The following ABTB2 variants were observed in gnomAD, a reference collection of about 807,000 sequenced individuals.
ABTB2 encodes the protein ankyrin repeat and BTB domain containing 2, also known as ankyrin repeat and BTB/POZ domain-containing protein 2.
Under a neutral mutation model 104.1 loss-of-function variants are expected in ABTB2, and 56 were observed. The ratio of observed to expected loss-of-function variants is 0.54; its 90% CI spans 0.43 to 0.67. The LOEUF (loss-of-function observed/expected upper bound fraction) is 0.67. Ranked by LOEUF, ABTB2 falls within the 30% of genes least tolerant of loss-of-function variation. The pLI is 0.00. For synonymous variants in ABTB2, 606 were observed against 608.2 expected (o/e 1.00, Z 0.05); for missense variants, 1,279 against 1,407.7 (o/e 0.91, Z 1.46).
chr11:34,242,941 C>T (rs1853937487), intron 1 of ABTB2, among the ~76,000 whole-genome samples: 2 of 152,148 alleles, frequency 1.3e-5, no homozygotes, highest in Non-Finnish European at 2.9e-5. Flanking sequence ...TCACCTCAGG[C>T]CGGGCCTGAG....
At chr11:34,224,531 T>C (rs1174896826) in intron 1 of ABTB2, among the ~76,000 whole-genome samples, 1 of 152,126 alleles carries the variant, frequency 6.6e-6, no homozygotes, top group Non-Finnish European at 1.5e-5. Context: ...CTGGCTGCCA[T>C]GGTCTTCATA....
chr11:34,233,666 A>G (rs1333280407), intron 1 of ABTB2, among the ~76,000 whole-genome samples: 1 of 135,540 alleles, frequency 7.4e-6, no homozygotes, highest in Non-Finnish European at 1.6e-5. Context: ...TTTTTTTTTT[A>G]TTATAAAGGT....
At chr11:34,208,155 T>G (rs1338736318) in intron 1 of ABTB2, among the ~76,000 whole-genome samples, 1 of 152,236 alleles carries the variant, frequency 6.6e-6, no homozygotes, top group Non-Finnish European at 1.5e-5. Context: ...TTACATTCTC[T>G]TAACACCTCG....
At chr11:34,162,080 G>A (rs1852728693) in intron 10 of ABTB2, among the ~76,000 whole-genome samples, 1 of 152,222 alleles carries the variant, frequency 6.6e-6, no homozygotes, top group Non-Finnish European at 1.5e-5. Flanking sequence ...GGGAGTTGAG[G>A]CTTGGAGAGA....
chr11:34,353,775 G>A (rs1855428778), intron 1 of ABTB2, among the ~76,000 whole-genome samples: 1 of 152,230 alleles, frequency 6.6e-6, no homozygotes, highest in Non-Finnish European at 1.5e-5. Context: ...TGCCCATGCT[G>A]TATAATTAGC....
chr11:34,204,409 G>T, intron 2 of ABTB2, 135 bp downstream of exon 2: 1 of 1,092,124 alleles, frequency 9.2e-7, no homozygotes. Flanking sequence ...CTAGCTTTCA[G>T]GGAAGGCAAG....
intron 1 of ABTB2, among the ~76,000 whole-genome samples, chr11:34,229,141 A>C (rs1853728156): frequency 7.0e-6 from 1 of 142,744 alleles, no homozygotes; most frequent in South Asian, 2.3e-4. Context: ...AAAAAGAGAA[A>C]AAAGAAAAAG....
intron 1 of ABTB2, among the ~76,000 whole-genome samples, chr11:34,299,476 C>T (rs1854671644): frequency 6.6e-6 from 1 of 152,148 alleles, no homozygotes; most frequent in Non-Finnish European, 1.5e-5. Flanking sequence ...TAGTATACTC[C>T]TCCCAGAAAA....
chr11:34,280,495 CT>C (rs1326751662), intron 1 of ABTB2, among the ~76,000 whole-genome samples: 3 of 152,196 alleles, frequency 2.0e-5, no homozygotes, highest in Non-Finnish European at 4.4e-5. Context: ...CTTTCTCTCT[CT>C]TTTCCTCCCA....
Position 34,168,103 on chromosome 11 carries a change from G to A in ABTB2, c.1564-111C>T, listed in dbSNP as rs1308612089. ...GATCGGGCACCCCGCCACCCCAGCCGAGCATCCTGTGGTCCCCCAGGCTCT... is the reference window on the plus strand; with the variant it reads ...GATCGGGCACCCCGCCACCCCAGCCAAGCATCCTGTGGTCCCCCAGGCTCT... On this transcript the variant is annotated intron_variant, in intron 5 of 16. Coordinates refer to ENST00000435224, the MANE Select transcript of ABTB2 (RefSeq NM_145804.3). The A allele has an allele frequency of 4.5e-5, 49 of 1,083,284 alleles. 1 individual carries two copies. The highest frequency in any genetic ancestry group is 9.5e-5 in the South Asian group (7 of 74,020). The allele number at this position is 1,083,284 out of a possible 1,614,324, so 67.1% of individuals were successfully genotyped here. A position where few individuals can be genotyped will look rare whatever the true frequency, so the allele number is the denominator to read the frequency against.
At chr11:34,345,323 G>A (rs1465898483) in intron 1 of ABTB2, among the ~76,000 whole-genome samples, 1 of 152,158 alleles carries the variant, frequency 6.6e-6, no homozygotes, top group East Asian at 1.9e-4. Context: ...TCTCCAGCCA[G>A]GCTGGCCTCA....
At position 34,211,902 on chromosome 11, in the gene ABTB2, C is replaced by CAA. The variant is rs1231324201; in HGVS notation, c.884-7214_884-7213dup. 5.1e-3 allele frequency among the ~76,000 whole-genome samples: 294 copies of CAA among 57,764 alleles called. 2 individuals are homozygous for CAA. Among genetic ancestry groups the CAA allele is most frequent in the African/African-American group, 0.016 (265 of 16,108 alleles). 37.9% of individuals were successfully genotyped at this position (57,764 alleles called of 152,430 possible). On this transcript the variant is annotated intron_variant, in intron 1 of 16. Transcript: ENST00000435224. Reference sequence around the variant, plus strand: ...TGGGTGACAGAGTGAGACCCTGTCTCAAAAAAAAAAAAAAAAAAAAAAGGA... The same window carrying CAA: ...TGGGTGACAGAGTGAGACCCTGTCTCAAAAAAAAAAAAAAAAAAAAAAAAGGA...
At chr11:34,333,110 T>C (rs1855152158) in intron 1 of ABTB2, among the ~76,000 whole-genome samples, 1 of 152,226 alleles carries the variant, frequency 6.6e-6, no homozygotes, top group Non-Finnish European at 1.5e-5. Context: ...ATAGCACAAG[T>C]ACTATCACTT....
At chr11:34,215,343 G>A (rs7120814) in intron 1 of ABTB2, among the ~76,000 whole-genome samples, 37,025 of 152,066 alleles carry the variant, frequency 0.24, 5,586 homozygotes, top group African/African-American at 0.43. Flanking sequence ...GGATCAAAAG[G>A]GCACAAACAC....
chr11:34,248,158 T>C (rs1464165481), intron 1 of ABTB2, among the ~76,000 whole-genome samples: 3 of 135,230 alleles, frequency 2.2e-5, no homozygotes, highest in Non-Finnish European at 4.7e-5. Context: ...TGGAGTGCAA[T>C]GGCACAATCA....
At position 34,357,896 on chromosome 11, in the gene ABTB2, A is replaced by C. The variant is rs1468846594; in HGVS notation, c.-313T>G. The C allele has an allele frequency of 1.3e-5, 4 of 302,432 alleles. No individual in the cohort carries two copies. The highest frequency in any genetic ancestry group is 2.4e-5 in the Non-Finnish European group (4 of 164,706). 18.7% of individuals were successfully genotyped at this position (302,432 alleles called of 1,614,324 possible). ...GCAGAGAGTCAGTCCTCCACAGAGA[A>C]GGAATCCCGGGAGAACAGGGCGGCG... On this transcript the variant is annotated 5_prime_UTR_variant, in exon 1 of 17. Coordinates refer to ENST00000435224, the MANE Select transcript of ABTB2 (RefSeq NM_145804.3).
At chr11:34,246,757 A>G (rs537475464) in intron 1 of ABTB2, among the ~76,000 whole-genome samples, 10 of 151,716 alleles carry the variant, frequency 6.6e-5, no homozygotes, top group Non-Finnish European at 1.3e-4. Flanking sequence ...GTTCATACCT[A>G]CACAAATGAG....
chr11:34,265,598 C>T (rs992928536), intron 1 of ABTB2, among the ~76,000 whole-genome samples: 6 of 127,230 alleles, frequency 4.7e-5, no homozygotes, highest in Admixed American at 9.7e-5. Context: ...GTGGAGGTTG[C>T]GGTGAGCCGA....
chr11:34,270,513 T>G (rs1458883839), intron 1 of ABTB2, among the ~76,000 whole-genome samples: 1 of 152,254 alleles, frequency 6.6e-6, no homozygotes, highest in East Asian at 1.9e-4. Context: ...CCAATTTTTG[T>G]ATTTTTAGTA....
Sources: gnomAD v4.1 joint callset for allele counts (sites outside exome capture counted in the v4.1 genomes callset) on GRCh38, gnomAD v4.1.1 for gene constraint, MANE v1.5 for transcripts, NCBI Gene and HGNC (gene_info 2026-07-23, HGNC 2026-07-21) for gene names.